ZNF445: variants seen among roughly 807,000 people sequenced by gnomAD.
ZNF445 encodes the protein zinc finger protein 168.
Under a neutral mutation model 93.9 loss-of-function variants are expected in ZNF445, and 19 were observed. The observed-to-expected ratio is 0.20, with a 90% CI of 0.14 to 0.30. The LOEUF (loss-of-function observed/expected upper bound fraction) is 0.30, where lower values mean the gene tolerates loss of function less well. Ranked by LOEUF, ZNF445 falls within the 10% of genes least tolerant of loss-of-function variation. The pLI is 1.00. For missense variants in ZNF445, 1,058 were observed against 1,259.4 expected, an observed-to-expected ratio of 0.84 and a Z score of 2.42; for synonymous variants, 449 against 446.3, an observed-to-expected ratio of 1.01 and a Z score of -0.08.
chr3:44,455,629 A>G lies in ZNF445; in HGVS notation c.-80T>C, dbSNP rs1241238798. On this transcript the variant is annotated 5_prime_UTR_variant, in exon 3 of 8. Transcript: ENST00000396077. The stretch of plus-strand genomic sequence containing the variant: ...GGGTCCTCAGAAGTATCTTCTCAGC[A>G]GTCAACAATGCCAACATTTGCTGGG... 2 of 1,348,372 alleles carry G rather than the reference A, an allele frequency of 1.5e-6. No individual in the cohort carries two copies. Among genetic ancestry groups the G allele is most frequent in the Non-Finnish European group, 1.0e-6 (1 of 996,036 alleles). 83.5% of individuals were successfully genotyped at this position (1,348,372 alleles called of 1,614,324 possible).
chr3:44,467,937 T>A (rs1195328171), intron 1 of ZNF445, among the ~76,000 whole-genome samples: 3 of 152,198 alleles, frequency 2.0e-5, no homozygotes, highest in Admixed American at 6.5e-5. Flanking sequence ...TACTTTCAAA[T>A]CTTTGCTTTT....
chr3:44,450,665 G>A, intron 5 of ZNF445, 92 bp from the exon 6 acceptor site: 1 of 1,523,182 alleles, frequency 6.6e-7, no homozygotes, highest in Admixed American at 2.0e-5. Context: ...CTGTGTGAGT[G>A]CAGGATGGAC....
At position 44,455,312 on chromosome 3, in the gene ZNF445, A is replaced by T; in HGVS notation, c.238T>A (p.Cys80Ser). Residue 80 changes from cysteine (C) to serine (S), a missense_variant, in exon 3 of 8, where the codon TGT (cysteine) becomes AGT (serine). By Grantham distance (112) the Cys-to-Ser change is moderately radical. Transcript: ENST00000396077. ...LETLSRLREL[C>S]RWWLRPDVLS... Reference sequence around the variant, plus strand: ...ACGTCAGGCCTCAGCCACCAGCGACAGAGTTCCCGGAGCCGGCTCAGAGTT... The same window carrying T: ...ACGTCAGGCCTCAGCCACCAGCGACTGAGTTCCCGGAGCCGGCTCAGAGTT... 1 of 1,614,076 alleles carries T rather than the reference A, an allele frequency of 6.2e-7. No homozygotes were observed. The highest frequency in any genetic ancestry group is 8.5e-7 in the Non-Finnish European group (1 of 1,179,944).
At position 44,447,022 on chromosome 3, in the gene ZNF445, A is replaced by C. The variant is rs755353518; in HGVS notation, c.2649T>G (p.Leu883=). 6.2e-7 allele frequency: 1 copy of C among 1,614,228 alleles called. No homozygotes were observed. Among genetic ancestry groups the C allele is most frequent in the Non-Finnish European group, 8.5e-7 (1 of 1,180,046 alleles). Residue 883 remains leucine, a synonymous_variant, in exon 8 of 8, where the codon CTT becomes CTG. Coordinates refer to ENST00000396077, the MANE Select transcript of ZNF445 (RefSeq NM_181489.6). This position sits in a 1 kb window ranked among gnomAD's most constrained non-coding sequence, Gnocchi z 4.7. ...TAGAGTGGATCCTCTGATGGTTAAC[A>C]AGGCGATAGTTTCTATCATAAGATT... ...CGKSYDRNYR[L]VNHQRIHSTE...
chr3:44,464,121 A>G (rs1230417198), intron 1 of ZNF445, among the ~76,000 whole-genome samples: 2 of 152,036 alleles, frequency 1.3e-5, no homozygotes, highest in Non-Finnish European at 2.9e-5. Flanking sequence ...GTGAGACTCC[A>G]TCTCAAAAAA....
chr3:44,449,660 G>A (rs1697930965), intron 6 of ZNF445, 37 bp from the exon 7 acceptor site: 3 of 1,532,464 alleles, frequency 2.0e-6, no homozygotes, highest in Non-Finnish European at 2.7e-6. Context: ...GAAGGGAGAT[G>A]GATGACACAG....
intron 1 of ZNF445, among the ~76,000 whole-genome samples, chr3:44,468,525 G>T (rs1439230867): frequency 6.6e-6 from 1 of 152,184 alleles, no homozygotes; most frequent in Non-Finnish European, 1.5e-5. Flanking sequence ...GAGTCATGCA[G>T]CTGGAGGTTA....
intron 6 of ZNF445, 36 bp from the exon 7 acceptor site, chr3:44,449,659 T>C: frequency 1.3e-6 from 2 of 1,537,406 alleles, no homozygotes; most frequent in Non-Finnish European, 1.8e-6. Context: ...AGAAGGGAGA[T>C]GGATGACACA....
At chr3:44,461,014 TG>T (rs938175986) in intron 1 of ZNF445, among the ~76,000 whole-genome samples, 1 of 152,172 alleles carries the variant, frequency 6.6e-6, no homozygotes, top group African/African-American at 2.4e-5. Flanking sequence ...GCTGACCCCA[TG>T]TGCACAGATT....
Position 44,440,778 on chromosome 3 carries a change from G to A in ZNF445, c.*5797C>T, listed in dbSNP as rs563473210. The A allele has an allele frequency of 1.3e-5, 2 of 152,156 alleles. No individual in the cohort carries two copies. Among genetic ancestry groups the A allele is most frequent in the Non-Finnish European group, 2.9e-5 (2 of 68,028 alleles). 9.4% of individuals were successfully genotyped at this position (152,156 alleles called of 1,614,324 possible). ...GGGCTGCTGGTTGCCTATTTTTATG[G>A]TTATTTATTGATTATATGCTAAACA... is the stretch of plus-strand genomic sequence containing the variant. On this transcript the variant is annotated 3_prime_UTR_variant, in exon 8 of 8. Transcript: ENST00000396077.
At chr3:44,472,293 G>A (rs1230362693) in intron 1 of ZNF445, among the ~76,000 whole-genome samples, 1 of 152,214 alleles carries the variant, frequency 6.6e-6, no homozygotes, top group Non-Finnish European at 1.5e-5. Context: ...TCTCCAAGCA[G>A]GACTGTTCTG....
At position 44,448,465 on chromosome 3, in the gene ZNF445, T is replaced by C. The variant is rs146131460; in HGVS notation, c.1206A>G (p.Thr402=). ...CCTTTCTTCCAGAAACTCTCAAATA[T>C]GTAACATGTTTTAAGTCAAGACTAT... is the stretch of plus-strand genomic sequence containing the variant. ...GSNSLDLKHV[T]YLRVSGRKES... The change falls in exon 8 of 8, where the codon ACA becomes ACG. Residue 402 remains threonine, a synonymous_variant. Coordinates refer to ENST00000396077, the MANE Select transcript of ZNF445 (RefSeq NM_181489.6). The C allele has an allele frequency of 3.0e-4, 491 of 1,613,844 alleles. No individual in the cohort carries two copies. In the African/African-American group the frequency reaches 5.8e-3, roughly 19 times the overall value.
chr3:44,466,086 GGA>G (rs1698190421), intron 1 of ZNF445, among the ~76,000 whole-genome samples: 1 of 152,176 alleles, frequency 6.6e-6, no homozygotes, highest in Non-Finnish European at 1.5e-5. Context: ...GGGAAAAAAT[GGA>G]GAGAAGAGAG....
In ZNF445 at chr3:44,447,841, T is replaced by C. The variant is rs1697900995; in HGVS notation, c.1830A>G (p.Ser610=). ...GAATCCTTTGATGTTCAAGAACATA[T>C]GACTTACAGTGGAAGGATTTCCTGC... ...SQCRKSFHCK[S]YVLEHQRIHT... The change falls in exon 8 of 8, where the codon TCA becomes TCG. Residue 610 remains serine, a synonymous_variant. Coordinates refer to ENST00000396077, the MANE Select transcript of ZNF445 (RefSeq NM_181489.6). This position sits in a 1 kb window ranked among gnomAD's most constrained non-coding sequence, Gnocchi z 4.7. 3 of 1,614,158 alleles carry C rather than the reference T, an allele frequency of 1.9e-6. No individual in the cohort carries two copies. The highest frequency in any genetic ancestry group is 2.5e-6 in the Non-Finnish European group (3 of 1,180,042).
intron 6 of ZNF445, 54 bp from the exon 7 acceptor site, chr3:44,449,677 T>C (rs538300267): frequency 1.9e-5 from 28 of 1,442,498 alleles, no homozygotes; most frequent in Non-Finnish European, 2.6e-5. Context: ...ACAGAACTAC[T>C]CTTCAGGACC....
chr3:44,461,831 G>A (rs1229362348), intron 1 of ZNF445, among the ~76,000 whole-genome samples: 3 of 152,206 alleles, frequency 2.0e-5, no homozygotes, highest in African/African-American at 7.2e-5. Flanking sequence ...TCATAAAACA[G>A]GAAAGAGTGA....
At chr3:44,477,149 T>C (rs1698372547) in intron 1 of ZNF445, among the ~76,000 whole-genome samples, 1 of 152,218 alleles carries the variant, frequency 6.6e-6, no homozygotes, top group Admixed American at 6.5e-5. Context: ...TAACAGGTTT[T>C]TTAAAAAGCA....
chr3:44,474,240 C>A (rs1175588132), intron 1 of ZNF445, among the ~76,000 whole-genome samples: 1 of 152,180 alleles, frequency 6.6e-6, no homozygotes, highest in East Asian at 1.9e-4. Flanking sequence ...ATAAGGCCGG[C>A]ACGGTGGCTC....
intron 1 of ZNF445, among the ~76,000 whole-genome samples, chr3:44,465,090 C>T (rs1394849733): frequency 2.1e-5 from 3 of 143,538 alleles, no homozygotes; most frequent in Non-Finnish European, 3.0e-5. Context: ...AAAAAAAAAT[C>T]GCTTACTTAT....
Sources: gnomAD v4.1 joint callset for allele counts (sites outside exome capture counted in the v4.1 genomes callset) on GRCh38, gnomAD v4.1.1 for gene constraint, Gnocchi (gnomAD v3.1) non-coding constraint, MANE v1.5 for transcripts, NCBI Gene and HGNC (gene_info 2026-07-23, HGNC 2026-07-21) for gene names.